Variants in AMN1 observed in about 807,000 individuals in gnomAD.
AMN1 encodes the protein protein AMN1 homolog.
A neutral mutation model predicts 33.0 loss-of-function variants in AMN1; 20 were observed. The ratio of observed to expected loss-of-function variants is 0.61; its 90% CI spans 0.43 to 0.88. The LOEUF is 0.88. Ranked by LOEUF, AMN1 falls within the 40% of genes least tolerant of loss-of-function variation. The pLI is 0.00. For synonymous variants in AMN1, 114 were observed against 111.9 expected (o/e 1.02, Z -0.12); for missense variants, 246 against 307.4 (o/e 0.80, Z 1.49).
intron 5 of AMN1, among the ~76,000 whole-genome samples, chr12:31,692,464 CA>C (rs1938544170): frequency 7.4e-6 from 1 of 135,688 alleles, no homozygotes; most frequent in African/African-American, 2.8e-5. Context: ...AAAAAAAAAA[CA>C]AACGAAAAAA....
chr12:31,673,028 A>G (rs771704113), intron 6 of AMN1: 8 of 152,252 alleles, frequency 5.3e-5, no homozygotes, highest in African/African-American at 7.2e-5. Flanking sequence ...GTTTTTCACA[A>G]TGTACAGTCG....
At chr12:31,688,174 G>A (rs188768449) in intron 6 of AMN1, among the ~76,000 whole-genome samples, 9 of 152,068 alleles carry the variant, frequency 5.9e-5, no homozygotes, top group Admixed American at 6.6e-5. Context: ...GGCTGGTCTC[G>A]AACTCCCAAC....
Position 31,685,800 on chromosome 12 carries a change from C to CAAAAAAAAA in AMN1, c.703+3198_703+3206dup, listed in dbSNP as rs10525163. ...TGGGCGACAGAGCAAGACTCATTATCAAAAAAAAAAGAAAGAAAGAAAGAA... is the reference window on the plus strand; with the variant it reads ...TGGGCGACAGAGCAAGACTCATTATCAAAAAAAAAAAAAAAAAAAGAAAGAAAGAAAGAA... On this transcript the variant is annotated intron_variant, in intron 6 of 6. Coordinates refer to ENST00000281471, the MANE Select transcript of AMN1 (RefSeq NM_001113402.2). Among the ~76,000 whole-genome samples, 687 of 120,910 alleles carry CAAAAAAAAA rather than the reference C, an allele frequency of 5.7e-3. 12 individuals are homozygous for CAAAAAAAAA. The highest frequency in any genetic ancestry group is 0.02 in the African/African-American group (641 of 31,562). 79.3% of individuals were successfully genotyped at this position (120,910 alleles called of 152,430 possible).
chr12:31,712,942 C>T (rs117159195), intron 1 of AMN1, among the ~76,000 whole-genome samples: 6,197 of 152,322 alleles, frequency 0.041, 278 homozygotes, highest in East Asian at 0.21. Flanking sequence ...GTGTGAGCCA[C>T]CATGCTCGGC....
intron 5 of AMN1, among the ~76,000 whole-genome samples, chr12:31,691,091 T>C (rs2139675969): frequency 6.8e-6 from 1 of 147,898 alleles, no homozygotes; most frequent in African/African-American, 2.5e-5. Context: ...TGAGCCGAGA[T>C]CATGCCACTG....
intron 1 of AMN1, among the ~76,000 whole-genome samples, chr12:31,724,303 T>C (rs1158456050): frequency 1.3e-5 from 2 of 152,190 alleles, no homozygotes; most frequent in Non-Finnish European, 2.9e-5. Flanking sequence ...ACTCTTGTGC[T>C]CTGGTGCAAT....
intron 6 of AMN1, among the ~76,000 whole-genome samples, chr12:31,678,056 A>C (rs1171374168): frequency 3.3e-5 from 5 of 152,202 alleles, no homozygotes. Flanking sequence ...TCTCTTTTCC[A>C]GTCACATCTC....
intron 1 of AMN1, among the ~76,000 whole-genome samples, chr12:31,718,051 C>A (rs1054456932): frequency 3.9e-5 from 6 of 152,122 alleles, no homozygotes; most frequent in South Asian, 4.1e-4. Flanking sequence ...CTTTCAGGTA[C>A]ACCAATCAAT....
chr12:31,671,693 C>T lies in AMN1; in HGVS notation c.*611G>A, dbSNP rs1400238649. ...AACTGGGAAGAGTAGCCATAAAAAT[C>T]AATGAATGGATGTGGCTGGGCAAGA... is the stretch of plus-strand genomic sequence containing the variant. On this transcript the variant is annotated 3_prime_UTR_variant, in exon 7 of 7. Transcript: ENST00000281471. 1.3e-5 allele frequency: 2 copies of T among 152,152 alleles called. No individual in the cohort carries two copies. The highest frequency in any genetic ancestry group is 2.9e-5 in the Non-Finnish European group (2 of 68,036). The allele number at this position is 152,152 out of a possible 1,614,324, so 9.4% of individuals were successfully genotyped here.
chr12:31,708,361 C>T (rs548060391), intron 2 of AMN1, among the ~76,000 whole-genome samples: 102 of 152,244 alleles, frequency 6.7e-4, no homozygotes, highest in African/African-American at 2.3e-3. Flanking sequence ...CTGAGATACA[C>T]CCTGGTCTCC....
chr12:31,708,864 A>C (rs1452677568), intron 2 of AMN1: 1 of 204,274 alleles, frequency 4.9e-6, no homozygotes, highest in Non-Finnish European at 1.0e-5. Flanking sequence ...GAAAAAAACA[A>C]ACCCTTATAC....
chr12:31,684,692 C>T (rs374736470), intron 6 of AMN1, among the ~76,000 whole-genome samples: 3 of 152,030 alleles, frequency 2.0e-5, no homozygotes, highest in South Asian at 4.1e-4. Context: ...AGGATGATCT[C>T]GATCTCCTGA....
intron 1 of AMN1, among the ~76,000 whole-genome samples, chr12:31,717,699 G>C (rs2139724168): frequency 6.6e-6 from 1 of 152,008 alleles, no homozygotes; most frequent in East Asian, 1.9e-4. Flanking sequence ...AAGATTTATA[G>C]TTAACTTTTT....
At chr12:31,713,187 C>T (rs986067041) in intron 1 of AMN1, among the ~76,000 whole-genome samples, 6 of 152,086 alleles carry the variant, frequency 3.9e-5, no homozygotes, top group Non-Finnish European at 4.4e-5. Context: ...ATATTATCTA[C>T]GTGAGAGATG....
chr12:31,671,832 A>G lies in AMN1; in HGVS notation c.*472T>C, dbSNP rs1308522151. 6.5e-6 allele frequency: 1 copy of G among 153,052 alleles called. No homozygotes were observed. The highest frequency in any genetic ancestry group is 1.5e-5 in the Non-Finnish European group (1 of 68,642). The allele number at this position is 153,052 out of a possible 1,614,324, so 9.5% of individuals were successfully genotyped here. The stretch of plus-strand genomic sequence containing the variant: ...TTGATGTTCAGGTCTGCTTTTGGCA[A>G]ATGGGCATTTAAATACTCCAAGAAG... On this transcript the variant is annotated 3_prime_UTR_variant, in exon 7 of 7. Transcript: ENST00000281471.
intron 6 of AMN1, among the ~76,000 whole-genome samples, chr12:31,680,121 TC>T (rs1937933587): frequency 7.7e-6 from 1 of 129,506 alleles, no homozygotes; most frequent in African/African-American, 2.8e-5. Context: ...AAACTCCATC[TC>T]AAAAAAAAAA....
intron 5 of AMN1, among the ~76,000 whole-genome samples, chr12:31,690,173 C>A (rs1488572191): frequency 6.6e-6 from 1 of 152,202 alleles, no homozygotes; most frequent in Non-Finnish European, 1.5e-5. Flanking sequence ...TGGGCATTTG[C>A]ATTGGTTCCA....
chr12:31,685,539 G>A (rs1221024064), intron 6 of AMN1, among the ~76,000 whole-genome samples: 4 of 151,982 alleles, frequency 2.6e-5, no homozygotes, highest in African/African-American at 4.8e-5. Context: ...GGTAGCTCAC[G>A]CTTGTAATCC....
At chr12:31,681,041 T>G (rs1937987014) in intron 6 of AMN1, among the ~76,000 whole-genome samples, 1 of 152,188 alleles carries the variant, frequency 6.6e-6, no homozygotes, top group Non-Finnish European at 1.5e-5. Context: ...TATATCATTA[T>G]AGAAGATTTA....
Sources: allele counts gnomAD v4.1 joint callset (sites outside exome capture counted in the v4.1 genomes callset), GRCh38; gene constraint gnomAD v4.1.1; transcripts MANE v1.5; gene names NCBI Gene and HGNC (gene_info 2026-07-23, HGNC 2026-07-21).